The following SNTB1 variants were observed in gnomAD, a reference collection of about 807,000 sequenced individuals.
SNTB1 encodes the protein syntrophin beta 1.
In SNTB1, 36 loss-of-function variants were observed where a neutral mutation model predicts 48.9. That is an observed-to-expected ratio of 0.74 (90% confidence interval 0.56 to 0.97). The LOEUF (loss-of-function observed/expected upper bound fraction) is 0.97. Among genes scored for constraint, SNTB1 ranks in the 50% least tolerant of loss-of-function variants. The pLI is 0.00. For missense variants in SNTB1, 786 were observed against 703.4 expected (o/e 1.12, Z -1.33); for synonymous variants, 299 against 294.6 (o/e 1.01, Z -0.15).
At chr8:120,664,602 C>T (rs745629665) in intron 2 of SNTB1, among the ~76,000 whole-genome samples, 1 of 152,160 alleles carries the variant, frequency 6.6e-6, no homozygotes, top group Non-Finnish European at 1.5e-5. Context: ...TAGCATGTAT[C>T]AATAGTTCAT....
At chr8:120,755,986 G>A (rs1441834660) in intron 1 of SNTB1, among the ~76,000 whole-genome samples, 2 of 152,122 alleles carry the variant, frequency 1.3e-5, no homozygotes, top group Non-Finnish European at 2.9e-5. Context: ...GGTCAATACA[G>A]CTCCAGGGTC....
intron 1 of SNTB1, among the ~76,000 whole-genome samples, chr8:120,742,365 T>A (rs1819054839): frequency 6.6e-6 from 1 of 152,226 alleles, no homozygotes; most frequent in South Asian, 2.1e-4. Flanking sequence ...CAACCCAGAA[T>A]GACTAAGGGA....
chr8:120,649,710 C>A (rs373203083), intron 2 of SNTB1, among the ~76,000 whole-genome samples: 31 of 151,946 alleles, frequency 2.0e-4, no homozygotes, highest in South Asian at 6.2e-4. Context: ...TCGAGCTTCC[C>A]GGCTGCTTTG....
At chr8:120,686,872 A>C (rs187354881) in intron 2 of SNTB1, among the ~76,000 whole-genome samples, 1 of 152,192 alleles carries the variant, frequency 6.6e-6, no homozygotes. Flanking sequence ...AATGACAATC[A>C]TGAATTCTGG....
At chr8:120,551,102 A>G (rs1205541019) in intron 4 of SNTB1, among the ~76,000 whole-genome samples, 2 of 152,086 alleles carry the variant, frequency 1.3e-5, no homozygotes, top group Non-Finnish European at 2.9e-5. Flanking sequence ...CTAAAAATAC[A>G]AAAATTATCT....
chr8:120,705,147 T>C (rs755062695), intron 1 of SNTB1, among the ~76,000 whole-genome samples: 2 of 152,254 alleles, frequency 1.3e-5, no homozygotes, highest in Non-Finnish European at 2.9e-5. Flanking sequence ...ATACATTAAA[T>C]GACAGACATT....
At chr8:120,756,716 G>A (rs773505568) in intron 1 of SNTB1, among the ~76,000 whole-genome samples, 4 of 152,102 alleles carry the variant, frequency 2.6e-5, no homozygotes, top group African/African-American at 4.8e-5. Context: ...TGGAATTAAC[G>A]TTCTAATTCC....
intron 1 of SNTB1, among the ~76,000 whole-genome samples, chr8:120,724,549 G>A (rs887417332): frequency 1.3e-5 from 2 of 152,186 alleles, no homozygotes; most frequent in African/African-American, 4.8e-5. Flanking sequence ...TTGATGGAAA[G>A]GAAGCACCAG....
At chr8:120,789,744 A>T (rs987556603) in intron 1 of SNTB1, among the ~76,000 whole-genome samples, 3 of 151,992 alleles carry the variant, frequency 2.0e-5, no homozygotes, top group South Asian at 2.1e-4. Context: ...CAGTAATTTT[A>T]AAAAAGCTGC....
At chr8:120,715,392 G>A (rs1234558005) in intron 1 of SNTB1, among the ~76,000 whole-genome samples, 2 of 152,100 alleles carry the variant, frequency 1.3e-5, no homozygotes, top group Non-Finnish European at 2.9e-5. Flanking sequence ...AGGTTTCTTG[G>A]TTCTCATCAA....
intron 5 of SNTB1, among the ~76,000 whole-genome samples, chr8:120,544,561 A>G (rs985198151): frequency 8.5e-5 from 13 of 152,334 alleles, no homozygotes; most frequent in Non-Finnish European, 1.5e-4. Flanking sequence ...TGATTAGTCT[A>G]TCAATAGCTC....
At chr8:120,588,536 T>G (rs1376553564) in intron 3 of SNTB1, among the ~76,000 whole-genome samples, 1 of 152,180 alleles carries the variant, frequency 6.6e-6, no homozygotes, top group East Asian at 1.9e-4. Flanking sequence ...TAGCCATTTT[T>G]TTTTTTTCCT....
chr8:120,750,337 A>G (rs1316034886), intron 1 of SNTB1, among the ~76,000 whole-genome samples: 2 of 152,132 alleles, frequency 1.3e-5, no homozygotes, highest in Non-Finnish European at 2.9e-5. Flanking sequence ...GAGTGTCTAC[A>G]ATGTGAAATG....
chr8:120,683,411 G>A (rs555632323), intron 2 of SNTB1, among the ~76,000 whole-genome samples: 1 of 152,108 alleles, frequency 6.6e-6, no homozygotes, highest in South Asian at 2.1e-4. Context: ...AGAAAAATGT[G>A]CTTGTTTGTG....
At chr8:120,610,526 A>G (rs1201428047) in intron 3 of SNTB1, among the ~76,000 whole-genome samples, 1 of 129,180 alleles carries the variant, frequency 7.7e-6, no homozygotes, top group African/African-American at 2.5e-5. Context: ...CAGCCCACTG[A>G]GCAGGACTAA....
intron 1 of SNTB1, among the ~76,000 whole-genome samples, chr8:120,724,473 T>C (rs901782353): frequency 1.3e-5 from 2 of 152,156 alleles, no homozygotes; most frequent in African/African-American, 4.8e-5. Flanking sequence ...TTTCAAACAC[T>C]GAAAGCTATT....
At chr8:120,723,344 A>G (rs141036098) in intron 1 of SNTB1, among the ~76,000 whole-genome samples, 1 of 152,206 alleles carries the variant, frequency 6.6e-6, no homozygotes, top group Non-Finnish European at 1.5e-5. Context: ...TATATACTAC[A>G]TACGATTTAT....
intron 2 of SNTB1, among the ~76,000 whole-genome samples, chr8:120,639,794 G>T (rs1817156142): frequency 6.6e-6 from 1 of 152,202 alleles, no homozygotes; most frequent in Non-Finnish European, 1.5e-5. Context: ...TTGTAGTACA[G>T]TTTGAAGTCA....
chr8:120,791,193 C>T (rs1375662876), intron 1 of SNTB1, among the ~76,000 whole-genome samples: 4 of 151,644 alleles, frequency 2.6e-5, no homozygotes. Context: ...CATACAAAAA[C>T]ATAAATTGGG....
Sources: allele counts gnomAD v4.1 joint callset (sites outside exome capture counted in the v4.1 genomes callset), GRCh38; gene constraint gnomAD v4.1.1; transcripts MANE v1.5; gene names NCBI Gene and HGNC (gene_info 2026-07-23, HGNC 2026-07-21).